Variants in PARD3 observed in about 807,000 individuals in gnomAD.
PARD3 encodes the protein partitioning defective 3 homolog.
Under a neutral mutation model 155.4 loss-of-function variants are expected in PARD3, and 75 were observed. That is an observed-to-expected ratio of 0.48 (90% CI 0.40 to 0.58). PARD3 has a LOEUF of 0.58. PARD3 is among the 20% of genes least tolerant of loss of function. The pLI is 0.00. For synonymous variants in PARD3, 576 were observed against 610.5 expected, an observed-to-expected ratio of 0.94 and a Z score of 0.83; for missense variants, 1,642 against 1,721.7, an observed-to-expected ratio of 0.95 and a Z score of 0.82.
At chr10:34,251,655 C>T (rs1954316011) in intron 22 of PARD3, among the ~76,000 whole-genome samples, 1 of 151,614 alleles carries the variant, frequency 6.6e-6, no homozygotes, top group South Asian at 2.1e-4. Context: ...TCTTCCCCCT[C>T]TCTCTCTCTC....
rs373850621 is a variant in PARD3, at chr10:34,477,552, GC to G, written c.404-7290del. The stretch of plus-strand genomic sequence containing the variant: ...ATTGATGTCTCTCTCTAGGTAAGGT[GC>G]CTTTTAAATAAGTGGAAGAAATGGT... On this transcript the variant is annotated intron_variant, in intron 3 of 24. Transcript: ENST00000374788. Among the ~76,000 whole-genome samples, 1,196 of 152,276 alleles carry G rather than the reference GC, an allele frequency of 7.9e-3. 9 individuals are homozygous for G. Among genetic ancestry groups the G allele is most frequent in the Admixed American group, 0.013 (200 of 15,294 alleles).
chr10:34,276,259 T>C (rs888440364), intron 21 of PARD3, among the ~76,000 whole-genome samples: 1 of 149,574 alleles, frequency 6.7e-6, no homozygotes, highest in East Asian at 2.0e-4. Context: ...AAAAAAAAAA[T>C]AAAGTGTTCC....
chr10:34,646,521 T>C (rs1454743908), intron 2 of PARD3, among the ~76,000 whole-genome samples: 1 of 152,192 alleles, frequency 6.6e-6, no homozygotes, highest in Non-Finnish European at 1.5e-5. Context: ...GAGAGCATAA[T>C]AGTAATAAGG....
chr10:34,373,815 T>G (rs531523306), intron 11 of PARD3, among the ~76,000 whole-genome samples: 1 of 152,062 alleles, frequency 6.6e-6, no homozygotes, highest in Non-Finnish European at 1.5e-5. Flanking sequence ...TAAGATATTA[T>G]GACTAAAATT....
chr10:34,541,766 C>T (rs2083625985), intron 2 of PARD3, among the ~76,000 whole-genome samples: 1 of 152,212 alleles, frequency 6.6e-6, no homozygotes, highest in Non-Finnish European at 1.5e-5. Flanking sequence ...TTCATCAGTA[C>T]ACATCCCATC....
At chr10:34,516,900 A>C in intron 3 of PARD3, 79 bp downstream of exon 3, 1 of 1,292,184 alleles carries the variant, frequency 7.7e-7, no homozygotes, top group Non-Finnish European at 1.1e-6. Context: ...TTCCATTTAC[A>C]GGGTCATGGA....
chr10:34,496,365 C>A (rs1237839161), intron 3 of PARD3, among the ~76,000 whole-genome samples: 1 of 152,016 alleles, frequency 6.6e-6, no homozygotes, highest in Non-Finnish European at 1.5e-5. Context: ...AGAAATATTC[C>A]CCTACTAAAT....
At chr10:34,619,500 C>T (rs1001395378) in intron 2 of PARD3, among the ~76,000 whole-genome samples, 22 of 152,068 alleles carry the variant, frequency 1.4e-4, no homozygotes, top group Non-Finnish European at 1.5e-5. Flanking sequence ...GCTTAAATAT[C>T]CTGCATTTTA....
At chr10:34,804,065 G>A (rs1455570147) in intron 1 of PARD3, among the ~76,000 whole-genome samples, 2 of 144,106 alleles carry the variant, frequency 1.4e-5, no homozygotes, top group African/African-American at 2.6e-5. Context: ...ATGAAGTCTC[G>A]CTCTATCGCC....
chr10:34,387,965 C>T (rs1229336546), intron 7 of PARD3, among the ~76,000 whole-genome samples: 1 of 151,996 alleles, frequency 6.6e-6, no homozygotes, highest in Non-Finnish European at 1.5e-5. Context: ...AAATACACCA[C>T]ACACGTATAG....
intron 1 of PARD3, among the ~76,000 whole-genome samples, chr10:34,774,607 G>A (rs1839309055): frequency 6.6e-6 from 1 of 152,202 alleles, no homozygotes. Flanking sequence ...CAATGCAACT[G>A]TAAACTGATG....
intron 22 of PARD3, among the ~76,000 whole-genome samples, chr10:34,158,951 C>T (rs1949143601): frequency 6.6e-6 from 1 of 152,130 alleles, no homozygotes; most frequent in Non-Finnish European, 1.5e-5. Flanking sequence ...ATTGATGCTG[C>T]CCATATCTTT....
chr10:34,695,206 G>C (rs2094143797), intron 2 of PARD3, among the ~76,000 whole-genome samples: 1 of 152,206 alleles, frequency 6.6e-6, no homozygotes, highest in Non-Finnish European at 1.5e-5. Flanking sequence ...GCCGGGTGTG[G>C]TGGCTCACAT....
chr10:34,162,961 C>T (rs1197869786), intron 22 of PARD3, among the ~76,000 whole-genome samples: 2 of 152,106 alleles, frequency 1.3e-5, no homozygotes, highest in Non-Finnish European at 2.9e-5. Context: ...CAGGGCTGGA[C>T]ATGGTTCAAA....
intron 7 of PARD3, among the ~76,000 whole-genome samples, chr10:34,389,363 T>C (rs1218227401): frequency 1.3e-5 from 2 of 151,974 alleles, no homozygotes; most frequent in African/African-American, 2.4e-5. Flanking sequence ...ACTTAGATTA[T>C]ATTAAGGATT....
intron 15 of PARD3, chr10:34,343,457 A>G (rs557526590): frequency 3.1e-6 from 3 of 981,284 alleles, no homozygotes; most frequent in African/African-American, 3.5e-5. Context: ...TATTGTATAC[A>G]TAGATAAATG....
chr10:34,282,904 G>A (rs1448921996), intron 21 of PARD3, among the ~76,000 whole-genome samples: 2 of 152,080 alleles, frequency 1.3e-5, no homozygotes, highest in African/African-American at 4.8e-5. Context: ...ATTAGAAAGA[G>A]TCCTACAAAG....
rs1206145214 is a variant in PARD3, at chr10:34,401,872, C to T, written c.760G>A (p.Gly254Arg). ...EEDNSRVEPVGHADTGLEHIP... is the reference protein window; with the variant it reads ...EEDNSRVEPVRHADTGLEHIP... ...TGCTCCAAACCCGTGTCAGCATGTC[C>T]AACAGGTTCAACACGACTGTTATCC... Residue 254 changes from glycine to arginine, a missense_variant, in exon 6 of 25, where the codon GGA becomes AGA. Around this residue, in one of 3 missense-constraint regions of PARD3, gnomAD observed 1,529 missense variants for 1,587.3 expected, o/e 0.96. Transcript: ENST00000374788. 1 of 1,613,510 alleles carries T rather than the reference C, an allele frequency of 6.2e-7. No individual in the cohort carries two copies. Among genetic ancestry groups the T allele is most frequent in the African/African-American group, 1.3e-5 (1 of 74,872 alleles).
chr10:34,383,928 A>G (rs1360272816), intron 8 of PARD3, among the ~76,000 whole-genome samples: 1 of 152,234 alleles, frequency 6.6e-6, no homozygotes, highest in Non-Finnish European at 1.5e-5. Context: ...AAGAAGAGCT[A>G]TATCCATCAG....
Sources: gnomAD v4.1 joint callset for allele counts (sites outside exome capture counted in the v4.1 genomes callset) on GRCh38, gnomAD v4.1.1 for gene constraint, gnomAD v4.1.1 regional missense constraint, MANE v1.5 for transcripts, NCBI Gene and HGNC (gene_info 2026-07-23, HGNC 2026-07-21) for gene names.